Variants in MGST1 observed in about 807,000 individuals in gnomAD.
The protein encoded by MGST1 is microsomal glutathione S-transferase 1.
Under a neutral mutation model 8.9 loss-of-function variants are expected in MGST1, and 5 were observed. The observed-to-expected ratio is 0.56, with a 90% confidence interval of 0.29 to 1.19. The LOEUF is 1.19. Ranked by LOEUF, MGST1 falls within the 50% of genes most tolerant of loss-of-function variation. The pLI, the probability that MGST1 is intolerant of heterozygous loss-of-function variation, is 0.08. For synonymous variants in MGST1, 54 were observed against 67.8 expected (o/e 0.80, Z 1.00); for missense variants, 182 against 187.4 (o/e 0.97, Z 0.17).
Position 16,407,354 on chromosome 12 carries a change from C to G in MGST1, n.778+23750C>G, listed in dbSNP as rs138396437. ...CACTGGAGAAATGCAAATCAAAACC[C>G]CAATGAGATACCATCTCACACCAGT... is the stretch of plus-strand genomic sequence containing the variant. On this transcript the variant is annotated intron_variant and non_coding_transcript_variant, in intron 1 of 1. Coordinates refer to the MGST1 transcript ENST00000359720. Among the ~76,000 whole-genome samples the G allele has an allele frequency of 5.6e-4, 85 of 152,088 alleles. No homozygotes were observed. The East Asian group carries it at 0.013, about 24-fold the overall frequency.
At position 16,401,430 on chromosome 12, in the gene MGST1, G is replaced by T. The variant is rs16911919; in HGVS notation, n.778+17826G>T. On this transcript the variant is annotated intron_variant and non_coding_transcript_variant, in intron 1 of 1. Coordinates refer to the MGST1 transcript ENST00000359720. The surrounding 1 kb of genome is among the most constrained non-coding windows in gnomAD (Gnocchi z 4.3). The stretch of plus-strand genomic sequence containing the variant: ...GTTCTGGCTTCTGCTTTTTAGCCAC[G>T]TCCATGACAGCATTATATACATCAC... 2.3e-6 allele frequency: 2 copies of T among 874,752 alleles called. No homozygotes were observed. Among genetic ancestry groups the T allele is most frequent in the Admixed American group, 3.4e-5 (2 of 58,254 alleles). The allele number at this position is 874,752 out of a possible 1,614,324, so 54.2% of individuals were successfully genotyped here. A position where few individuals can be genotyped will look rare whatever the true frequency, so the allele number is the denominator to read the frequency against.
At chr12:16,455,454 T>TC (rs201197170) in intron 4 of MGST1, among the ~76,000 whole-genome samples, 1 of 151,826 alleles carries the variant, frequency 6.6e-6, no homozygotes, top group South Asian at 2.1e-4. Flanking sequence ...CTTTTTTTTT[T>TC]CACCTAGCAC....
exon 4 of MGST1, chr12:16,376,331 T>C (rs1309474174): frequency 1.1e-5 from 5 of 475,134 alleles, no homozygotes; most frequent in Non-Finnish European, 1.9e-5. Context: ...CAATCGGAAA[T>C]TAGCTATTAC....
In MGST1 at chr12:16,401,909, T is replaced by G. The variant is rs2137063460; in HGVS notation, n.778+18305T>G. Reference sequence around the variant, plus strand: ...GCTCCCCATCCTCCCTTACAGCGACTGTATATGCCACAACTGCACTGATAT... The same window carrying G: ...GCTCCCCATCCTCCCTTACAGCGACGGTATATGCCACAACTGCACTGATAT... On this transcript the variant is annotated intron_variant and non_coding_transcript_variant, in intron 1 of 1. Coordinates refer to the MGST1 transcript ENST00000359720. The surrounding 1 kb of genome is among the most constrained non-coding windows in gnomAD (Gnocchi z 4.3). 6.2e-7 allele frequency: 1 copy of G among 1,606,580 alleles called. No homozygotes were observed. The highest frequency in any genetic ancestry group is 1.1e-5 in the South Asian group (1 of 90,946).
intron 1 of MGST1, among the ~76,000 whole-genome samples, chr12:16,402,666 T>C (rs776242349): frequency 2.6e-5 from 4 of 152,144 alleles, no homozygotes; most frequent in Admixed American, 1.3e-4. Context: ...TTATGTCCCT[T>C]ATTAATACAA....
At chr12:16,424,100 C>A (rs1338950475) in intron 1 of MGST1, among the ~76,000 whole-genome samples, 2 of 152,196 alleles carry the variant, frequency 1.3e-5, no homozygotes, top group Non-Finnish European at 2.9e-5. Context: ...GAGCTAGAAT[C>A]ATGGTTTATT....
At chr12:16,512,314 A>G (rs908230827) in intron 4 of MGST1, among the ~76,000 whole-genome samples, 2 of 152,156 alleles carry the variant, frequency 1.3e-5, no homozygotes, top group African/African-American at 4.8e-5. Context: ...TCATAGGATA[A>G]TCTCATCTCT....
intron 4 of MGST1, among the ~76,000 whole-genome samples, chr12:16,556,440 T>G (rs1252188044): frequency 2.0e-5 from 3 of 151,458 alleles, no homozygotes; most frequent in Non-Finnish European, 4.4e-5. Flanking sequence ...CAATCAATCC[T>G]GAAAGGTTAT....
intron 4 of MGST1, among the ~76,000 whole-genome samples, chr12:16,508,600 A>G (rs566760580): frequency 1.3e-5 from 2 of 152,324 alleles, no homozygotes; most frequent in East Asian, 1.9e-4. Context: ...CAGACTGACT[A>G]TTCATCATTT....
At chr12:16,367,402 T>C (rs539803703), downstream of MGST1, 4 of 152,334 alleles carry the variant, frequency 2.6e-5, no homozygotes, top group African/African-American at 9.6e-5. Flanking sequence ...GAAATGAGAA[T>C]GGCAGGAAAT....
chr12:16,477,742 C>A (rs1027787885), intron 4 of MGST1, among the ~76,000 whole-genome samples: 4 of 152,074 alleles, frequency 2.6e-5, no homozygotes, highest in African/African-American at 4.8e-5. Flanking sequence ...ATTTCAGCTC[C>A]TTCTACAGTA....
At chr12:16,557,889 T>G (rs1209535566) in intron 4 of MGST1, among the ~76,000 whole-genome samples, 1 of 152,076 alleles carries the variant, frequency 6.6e-6, no homozygotes, top group Non-Finnish European at 1.5e-5. Context: ...CTTCTCACTA[T>G]AAATGTCACA....
At chr12:16,373,029 A>T (rs1471483837) in intron 3 of MGST1, among the ~76,000 whole-genome samples, 5 of 148,358 alleles carry the variant, frequency 3.4e-5, no homozygotes, top group Non-Finnish European at 5.9e-5. Flanking sequence ...TATACATACT[A>T]TGTGTTACAT....
chr12:16,398,602 C>T (rs976528533), intron 1 of MGST1, among the ~76,000 whole-genome samples: 1 of 152,154 alleles, frequency 6.6e-6, no homozygotes, highest in African/African-American at 2.4e-5. Flanking sequence ...ATCATTGTAC[C>T]ATGTGTGCAT....
At chr12:16,501,767 TAATA>T (rs1941507278) in intron 4 of MGST1, among the ~76,000 whole-genome samples, 2 of 152,306 alleles carry the variant, frequency 1.3e-5, no homozygotes, top group African/African-American at 4.8e-5. Context: ...CTAAATTAAT[TAATA>T]TTTAAACATT....
Position 16,444,227 on chromosome 12 carries a change from C to A in MGST1, n.482+60623C>A, listed in dbSNP as rs75337430. On this transcript the variant is annotated intron_variant and non_coding_transcript_variant, in intron 4 of 4. Transcript: ENST00000538857. Reference sequence around the variant, plus strand: ...TTGTCTACTTGGATTTTTAGTGCACCTTCCATGGCTGGAGGCTTCTGTGGG... The same window carrying A: ...TTGTCTACTTGGATTTTTAGTGCACATTCCATGGCTGGAGGCTTCTGTGGG... 9.0e-3 allele frequency among the ~76,000 whole-genome samples: 1,327 copies of A among 147,120 alleles called. 71 individuals carry two copies. In the East Asian group the frequency reaches 0.16, roughly 18 times the overall value.
chr12:16,508,339 T>C (rs1301312196), intron 4 of MGST1, among the ~76,000 whole-genome samples: 1 of 152,210 alleles, frequency 6.6e-6, no homozygotes, highest in Non-Finnish European at 1.5e-5. Context: ...CTCTTGTTAC[T>C]TCCCTCAGAG....
intron 4 of MGST1, among the ~76,000 whole-genome samples, chr12:16,534,226 T>G (rs948613884): frequency 6.6e-6 from 1 of 152,222 alleles, no homozygotes; most frequent in African/African-American, 2.4e-5. Context: ...ATAACCTTTA[T>G]GTAGTAAATA....
chr12:16,389,168 G>A lies in MGST1; in HGVS notation n.778+5564G>A, dbSNP rs1212198450. Among the ~76,000 whole-genome samples the A allele has an allele frequency of 6.6e-6, 1 of 152,220 alleles. No homozygotes were observed. Among genetic ancestry groups the A allele is most frequent in the Non-Finnish European group, 1.5e-5 (1 of 68,040 alleles). The stretch of plus-strand genomic sequence containing the variant: ...TAGTGACACCTAGGTGATAGATAAT[G>A]TGATGGCTTACCCAGCAACCAGCTC... On this transcript the variant is annotated intron_variant and non_coding_transcript_variant, in intron 1 of 1. Coordinates refer to the MGST1 transcript ENST00000359720. This position sits in a 1 kb window ranked among gnomAD's most constrained non-coding sequence, Gnocchi z 4.6.
Sources: allele counts gnomAD v4.1 joint callset (sites outside exome capture counted in the v4.1 genomes callset), GRCh38; gene constraint gnomAD v4.1.1; non-coding constraint Gnocchi (gnomAD v3.1); transcripts MANE v1.5; gene names NCBI Gene and HGNC (gene_info 2026-07-23, HGNC 2026-07-21).